CPVL: variants seen among roughly 807,000 people sequenced by gnomAD.
CPVL encodes carboxypeptidase vitellogenic like, also known as probable serine carboxypeptidase CPVL.
In CPVL, 51 loss-of-function variants were observed where a neutral mutation model predicts 63.7. The ratio of observed to expected loss-of-function variants is 0.80; its 90% CI spans 0.64 to 1.01. CPVL has a LOEUF of 1.01. CPVL is among the 50% of genes least tolerant of loss of function. CPVL has a pLI of 0.00. For synonymous variants in CPVL, 195 were observed against 206.0 expected, an observed-to-expected ratio of 0.95 and a Z score of 0.46; for missense variants, 530 against 573.1, an observed-to-expected ratio of 0.92 and a Z score of 0.77.
At chr7:29,059,178 A>G (rs1791029510) in intron 11 of CPVL, among the ~76,000 whole-genome samples, 1 of 152,156 alleles carries the variant, frequency 6.6e-6, no homozygotes, top group Non-Finnish European at 1.5e-5. Context: ...AGCTGTGTCC[A>G]GTCTACTAGT....
chr7:29,174,274 G>T (rs190198867), intron 5 of CPVL, among the ~76,000 whole-genome samples: 1 of 152,206 alleles, frequency 6.6e-6, no homozygotes, highest in Non-Finnish European at 1.5e-5. Context: ...TGCCTCTGGA[G>T]GGGGGCCAGC....
intron 1 of CPVL, among the ~76,000 whole-genome samples, chr7:29,189,440 G>A (rs1191746873): frequency 6.6e-6 from 1 of 152,044 alleles, no homozygotes; most frequent in Non-Finnish European, 1.5e-5. Flanking sequence ...AGGAACCCCC[G>A]CAGAAGACAC....
intron 7 of CPVL, among the ~76,000 whole-genome samples, chr7:29,079,712 T>C (rs1027590734): frequency 3.9e-5 from 6 of 152,234 alleles, no homozygotes; most frequent in Admixed American, 1.3e-4. Context: ...CAGGCTTACA[T>C]AGAATGCTAA....
chr7:29,015,476 T>A (rs750784174), intron 12 of CPVL, among the ~76,000 whole-genome samples: 1 of 152,122 alleles, frequency 6.6e-6, no homozygotes, highest in Non-Finnish European at 1.5e-5. Context: ...TCTCACGAGA[T>A]CTTGTCATCT....
intron 5 of CPVL, among the ~76,000 whole-genome samples, 163 bp downstream of exon 5, chr7:29,094,921 T>C (rs557762337): frequency 6.6e-6 from 1 of 152,248 alleles, no homozygotes; most frequent in South Asian, 2.1e-4. Context: ...ATTATACATG[T>C]TAACAGAAAA....
chr7:29,147,082 C>A, upstream of CPVL: 1 of 1,374,558 alleles, frequency 7.3e-7, no homozygotes. Context: ...GGGACACAAA[C>A]TAAGTGAGGT....
intron 5 of CPVL, among the ~76,000 whole-genome samples, chr7:29,153,995 C>T (rs990752219): frequency 6.6e-6 from 1 of 152,142 alleles, no homozygotes; most frequent in African/African-American, 2.4e-5. Context: ...TTCTGGTCAA[C>T]AGTAGGCTAT....
At chr7:29,055,820 C>T (rs1436636556) in intron 11 of CPVL, among the ~76,000 whole-genome samples, 2 of 152,166 alleles carry the variant, frequency 1.3e-5, no homozygotes, top group East Asian at 3.9e-4. Context: ...TTCAGATCCA[C>T]TTTCATTTTA....
At chr7:29,004,896 C>CTTTTTTTTTTTTTT (rs555443117) in intron 12 of CPVL, among the ~76,000 whole-genome samples, 1 of 144,852 alleles carries the variant, frequency 6.9e-6, no homozygotes, top group Non-Finnish European at 1.5e-5. Flanking sequence ...TTTTTCTTTT[C>CTTTTTTTTTTTTTT]TTTTCTTTTT....
chr7:29,038,179 T>C (rs1042639191), intron 11 of CPVL, among the ~76,000 whole-genome samples: 5 of 152,170 alleles, frequency 3.3e-5, no homozygotes, highest in Non-Finnish European at 5.9e-5. Context: ...GACCAAATGT[T>C]TGTATCCTCC....
intron 9 of CPVL, among the ~76,000 whole-genome samples, chr7:29,068,982 C>T (rs1783431017): frequency 1.3e-5 from 2 of 151,734 alleles, no homozygotes; most frequent in Admixed American, 6.6e-5. Context: ...TGCGCCCGGC[C>T]GAGGTGTCTT....
intron 2 of CPVL, among the ~76,000 whole-genome samples, chr7:29,116,060 C>T (rs538952984): frequency 6.6e-6 from 1 of 152,246 alleles, no homozygotes; most frequent in Admixed American, 6.5e-5. Context: ...GGCATGCTGA[C>T]TTACACACCT....
At chr7:29,116,700 A>G (rs1788807615) in intron 2 of CPVL, among the ~76,000 whole-genome samples, 1 of 152,246 alleles carries the variant, frequency 6.6e-6, no homozygotes, top group African/African-American at 2.4e-5. Flanking sequence ...CCAGTAAAAT[A>G]GTCTTTAAAG....
chr7:29,085,715 C>T (rs985888171), intron 7 of CPVL, among the ~76,000 whole-genome samples: 1 of 152,196 alleles, frequency 6.6e-6, no homozygotes, highest in African/African-American at 2.4e-5. Flanking sequence ...TCCAGTTTAG[C>T]ATCACCAACA....
chr7:28,994,813 A>G (rs534573991), downstream of CPVL, among the ~76,000 whole-genome samples: 51 of 152,334 alleles, frequency 3.3e-4, no homozygotes, highest in African/African-American at 1.2e-3. Context: ...TTCTCCAGTG[A>G]GCCAGTTCAT....
chr7:29,146,644 A>G, upstream of CPVL: 1 of 1,550,522 alleles, frequency 6.4e-7, no homozygotes, highest in Admixed American at 2.0e-5. Flanking sequence ...GGTCCCAGAA[A>G]CCTGGCCGCA....
chr7:28,998,635 G>A lies in CPVL; in HGVS notation c.1321-2753C>T, dbSNP rs551858491. Among the ~76,000 whole-genome samples the A allele has an allele frequency of 6.6e-5, 10 of 152,122 alleles. No individual in the cohort carries two copies. In the East Asian group the frequency reaches 1.7e-3, roughly 26 times the overall value. On this transcript the variant is annotated intron_variant, in intron 12 of 12. Transcript: ENST00000265394. ...TCTTCAGTAAATATTGGTCATTTTC[G>A]TTATTCTTCCAACACTTATCTATAT...
intron 11 of CPVL, among the ~76,000 whole-genome samples, chr7:29,053,325 C>T (rs1184112237): frequency 6.6e-6 from 1 of 152,154 alleles, no homozygotes; most frequent in Admixed American, 6.5e-5. Context: ...TCACAATAAT[C>T]ACAAAGTGGA....
intron 10 of CPVL, 53 bp from the exon 11 acceptor site, chr7:29,064,287 A>G (rs1048121570): frequency 1.1e-4 from 126 of 1,157,054 alleles, no homozygotes; most frequent in Non-Finnish European, 1.5e-4. Context: ...TGGCAGGAAC[A>G]GTATGTTGGG....
Sources: allele counts gnomAD v4.1 joint callset (sites outside exome capture counted in the v4.1 genomes callset), GRCh38; gene constraint gnomAD v4.1.1; transcripts MANE v1.5; gene names NCBI Gene and HGNC (gene_info 2026-07-23, HGNC 2026-07-21).